The following TYR variants were observed in gnomAD, a reference collection of about 807,000 sequenced individuals.
TYR encodes the protein tyrosinase.
A neutral mutation model predicts 51.5 loss-of-function variants in TYR; 58 were observed. The ratio of observed to expected loss-of-function variants is 1.13; its 90% CI spans 0.91 to 1.40. The LOEUF (loss-of-function observed/expected upper bound fraction) is 1.40, where lower values mean the gene tolerates loss of function less well. Among genes scored for constraint, TYR ranks in the 40% most tolerant of loss-of-function variants. TYR has a pLI of 0.00. For synonymous variants in TYR, 263 were observed against 235.2 expected (o/e 1.12, Z -1.08); for missense variants, 732 against 647.4 (o/e 1.13, Z -1.42).
intron 4 of TYR, chr11:89,293,669 A>G (rs1944874070): frequency 6.4e-6 from 1 of 157,004 alleles, no homozygotes; most frequent in Non-Finnish European, 1.5e-5. Flanking sequence ...GATTTTCATT[A>G]GAATGTAGTT....
chr11:89,246,819 C>G (rs902247169), intron 3 of TYR, among the ~76,000 whole-genome samples: 2 of 152,110 alleles, frequency 1.3e-5, no homozygotes, highest in African/African-American at 4.8e-5. Flanking sequence ...AGAAAGGTCC[C>G]TGGGGCTTCA....
intron 1 of TYR, among the ~76,000 whole-genome samples, chr11:89,182,090 A>T (rs1222416284): frequency 6.6e-6 from 1 of 152,106 alleles, no homozygotes; most frequent in Non-Finnish European, 1.5e-5. Flanking sequence ...CTTTATACAG[A>T]TTTGTATCAT....
At chr11:89,254,124 C>T (rs1419373639) in intron 3 of TYR, among the ~76,000 whole-genome samples, 3 of 151,640 alleles carry the variant, frequency 2.0e-5, no homozygotes, top group African/African-American at 7.3e-5. Flanking sequence ...TGGTATATCA[C>T]ATTTACTGAC....
chr11:89,283,033 G>A (rs966152332), intron 3 of TYR, among the ~76,000 whole-genome samples: 2 of 151,770 alleles, frequency 1.3e-5, no homozygotes, highest in African/African-American at 4.8e-5. Flanking sequence ...AGATCAAACA[G>A]ATACAATTTT....
At chr11:89,219,154 T>C (rs1565402050) in intron 2 of TYR, among the ~76,000 whole-genome samples, 1 of 152,136 alleles carries the variant, frequency 6.6e-6, no homozygotes, top group East Asian at 1.9e-4. Context: ...ACACTGTAAT[T>C]TTCTAGCCCT....
chr11:89,196,736 C>T (rs1286900027), intron 2 of TYR, among the ~76,000 whole-genome samples: 1 of 152,170 alleles, frequency 6.6e-6, no homozygotes, highest in Non-Finnish European at 1.5e-5. Flanking sequence ...TTCAGTCCGA[C>T]ATCCCACACT....
At chr11:89,245,941 CA>C (rs200386722) in intron 3 of TYR, among the ~76,000 whole-genome samples, 1 of 150,524 alleles carries the variant, frequency 6.6e-6, no homozygotes, top group South Asian at 2.1e-4. Flanking sequence ...AACAAACAAA[CA>C]AAAAAAACAA....
At chr11:89,282,417 TA>T (rs1360357765) in intron 3 of TYR, among the ~76,000 whole-genome samples, 1 of 151,818 alleles carries the variant, frequency 6.6e-6, no homozygotes, top group Non-Finnish European at 1.5e-5. Context: ...AAATGTCTAC[TA>T]AAAATTATCT....
intron 3 of TYR, among the ~76,000 whole-genome samples, chr11:89,262,834 C>A (rs1247195021): frequency 2.8e-5 from 1 of 35,982 alleles, no homozygotes; most frequent in Non-Finnish European, 5.1e-5. Flanking sequence ...AGTAAAGATA[C>A]AAGCTACTCA....
At chr11:89,217,245 G>C (rs1017822274) in intron 2 of TYR, among the ~76,000 whole-genome samples, 2 of 152,186 alleles carry the variant, frequency 1.3e-5, no homozygotes, top group Non-Finnish European at 2.9e-5. Context: ...TTAGGAAGTA[G>C]AGAATATTGG....
Position 89,178,523 on chromosome 11 carries a change from G to A in TYR, c.570G>A (p.Gly190=), listed in dbSNP as rs1184677884. 3 of 1,614,128 alleles carry A rather than the reference G, an allele frequency of 1.9e-6. No individual in the cohort carries two copies. The highest frequency in any genetic ancestry group is 2.5e-6 in the Non-Finnish European group (3 of 1,180,024). The change falls in exon 1 of 5, where the codon GGG becomes GGA. Residue 190 remains glycine (G), a synonymous_variant. Coordinates refer to ENST00000263321, the MANE Select transcript of TYR (RefSeq NM_000372.5). The stretch of plus-strand genomic sequence containing the variant: ...ATGTGTCAATGGATGCACTGCTTGG[G>A]GGATCTGAAATCTGGAGAGACATTG... The part of the protein sequence containing the change: ...HYYVSMDALL[G]GSEIWRDIDF...
intron 2 of TYR, among the ~76,000 whole-genome samples, chr11:89,203,457 G>C (rs1455023896): frequency 6.6e-6 from 1 of 152,136 alleles, no homozygotes; most frequent in Non-Finnish European, 1.5e-5. Context: ...ATTTTGGTGG[G>C]AAAACAGAAA....
chr11:89,229,545 A>G (rs1263911803), intron 3 of TYR, among the ~76,000 whole-genome samples: 2 of 149,354 alleles, frequency 1.3e-5, no homozygotes, highest in African/African-American at 5.1e-5. Context: ...AGGTCTACAC[A>G]ATTAGCAATT....
At chr11:89,191,153 T>A in intron 1 of TYR, 49 bp from the exon 2 acceptor site, 1 of 1,558,628 alleles carries the variant, frequency 6.4e-7, no homozygotes, top group Non-Finnish European at 8.8e-7. Context: ...CTTCTCCTAC[T>A]GACTCAGTGG....
chr11:89,213,420 G>T (rs971130911), intron 2 of TYR, among the ~76,000 whole-genome samples: 4 of 152,100 alleles, frequency 2.6e-5, no homozygotes, highest in African/African-American at 9.7e-5. Context: ...ACAAACCATG[G>T]TTCAAGGAAA....
At chr11:89,268,211 T>A (rs1364181452) in intron 3 of TYR, among the ~76,000 whole-genome samples, 1 of 151,962 alleles carries the variant, frequency 6.6e-6, no homozygotes. Flanking sequence ...TGAAGTACTT[T>A]GAATAATACC....
intron 2 of TYR, among the ~76,000 whole-genome samples, chr11:89,209,367 T>A (rs761465215): frequency 6.6e-5 from 10 of 152,318 alleles, no homozygotes; most frequent in Non-Finnish European, 1.2e-4. Context: ...AGACCTGGCA[T>A]GCTGGAGCTT....
At chr11:89,234,802 G>A (rs1944089978) in intron 3 of TYR, among the ~76,000 whole-genome samples, 1 of 151,930 alleles carries the variant, frequency 6.6e-6, no homozygotes, top group South Asian at 2.1e-4. Context: ...AAAGATTTCT[G>A]GTCACAGATC....
chr11:89,288,623 A>G (rs879512147), intron 4 of TYR, among the ~76,000 whole-genome samples: 1 of 152,050 alleles, frequency 6.6e-6, no homozygotes, highest in Admixed American at 6.6e-5. Flanking sequence ...AGTTAATTTT[A>G]GAGAAGTTTG....
Sources: gnomAD v4.1 joint callset for allele counts (sites outside exome capture counted in the v4.1 genomes callset) on GRCh38, gnomAD v4.1.1 for gene constraint, MANE v1.5 for transcripts, NCBI Gene and HGNC (gene_info 2026-07-23, HGNC 2026-07-21) for gene names.